Variants in TCF4 observed in about 807,000 individuals in gnomAD.
TCF4 encodes the protein transcription factor 4, also known as SL3-3 enhancer factor 2.
Under a neutral mutation model 82.1 loss-of-function variants are expected in TCF4, and 3 were observed. The observed-to-expected ratio is 0.04, with a 90% CI of 0.02 to 0.09. The LOEUF (loss-of-function observed/expected upper bound fraction) is 0.09. Among genes scored for constraint, TCF4 ranks in the 10% least tolerant of loss-of-function variants. The probability of loss-of-function intolerance (pLI) is 1.00; values close to 1 mark genes in which losing one functional copy is unlikely to be tolerated. For synonymous variants in TCF4, 276 were observed against 309.6 expected (o/e 0.89, Z 1.14); for missense variants, 518 against 852.7 (o/e 0.61, Z 4.89).
chr18:55,324,123 A>G (rs1042896907), intron 8 of TCF4, among the ~76,000 whole-genome samples: 3 of 152,230 alleles, frequency 2.0e-5, no homozygotes, highest in African/African-American at 7.2e-5. Flanking sequence ...AACCCTGACA[A>G]TTCAGCACAT....
At position 55,601,295 on chromosome 18, in the gene TCF4, C is replaced by G. The variant is rs2097696654; in HGVS notation, c.287-14159G>C. 2.6e-5 allele frequency among the ~76,000 whole-genome samples: 4 copies of G among 152,094 alleles called. No individual in the cohort carries two copies. The South Asian group carries it at 8.3e-4, about 32-fold the overall frequency. On this transcript the variant is annotated intron_variant, in intron 2 of 20. Transcript: ENST00000398339. The stretch of plus-strand genomic sequence containing the variant: ...TATAGTAACCAACAAGATGCCTGTC[C>G]TTCCAGAGGGCTCCTTGAACCCCTG...
chr18:55,279,880 G>A (rs1356183004), intron 8 of TCF4, among the ~76,000 whole-genome samples: 1 of 152,166 alleles, frequency 6.6e-6, no homozygotes, highest in Non-Finnish European at 1.5e-5. Flanking sequence ...AACCAGGTGT[G>A]TTATATTCCA....
chr18:55,617,344 A>G lies in TCF4; in HGVS notation c.286+13954T>C, dbSNP rs1454495957. 2.0e-5 allele frequency among the ~76,000 whole-genome samples: 3 copies of G among 152,154 alleles called. No homozygotes were observed. The East Asian group carries it at 5.8e-4, about 29-fold the overall frequency. ...CTGTTTTAATTACTGTTGCTTTGTA[A>G]TATATTTTGAAATCAGAAAGTGTGA... On this transcript the variant is annotated intron_variant, in intron 2 of 20. Transcript: ENST00000398339.
chr18:55,421,237 G>A (rs566848672), intron 5 of TCF4, among the ~76,000 whole-genome samples: 27 of 152,248 alleles, frequency 1.8e-4, no homozygotes, highest in African/African-American at 6.5e-4. Flanking sequence ...TGTACAAACT[G>A]TGACAAAATA....
At chr18:55,570,817 C>A (rs1453268809) in intron 3 of TCF4, among the ~76,000 whole-genome samples, 1 of 150,348 alleles carries the variant, frequency 6.7e-6, no homozygotes, top group Admixed American at 6.6e-5. Flanking sequence ...AAAGTCGAGA[C>A]CAGACAGTGA....
intron 6 of TCF4, among the ~76,000 whole-genome samples, chr18:55,360,183 G>T (rs1178879464): frequency 6.6e-6 from 1 of 152,120 alleles, no homozygotes; most frequent in Non-Finnish European, 1.5e-5. Context: ...AAAACAGCTG[G>T]CTAAAAAAAT....
chr18:55,567,712 C>CA lies in TCF4; in HGVS notation c.145+17567dup, dbSNP rs960791678. 4.6e-3 allele frequency among the ~76,000 whole-genome samples: 600 copies of CA among 130,744 alleles called. 2 individuals are homozygous for CA. The highest frequency in any genetic ancestry group is 7.9e-3 in the Middle Eastern group (2 of 252). 85.8% of individuals were successfully genotyped at this position (130,744 alleles called of 152,430 possible). On this transcript the variant is annotated intron_variant, in intron 3 of 19. Transcript: ENST00000354452. ...TGGGAGACAGAGCGAGACTCCATCTCAAAAAAAAAAAAGGACACAATCAAC... is the reference window on the plus strand; with the variant it reads ...TGGGAGACAGAGCGAGACTCCATCTCAAAAAAAAAAAAAGGACACAATCAAC...
intron 8 of TCF4, chr18:55,321,602 C>T: frequency 6.5e-7 from 1 of 1,534,916 alleles, no homozygotes; most frequent in Non-Finnish European, 8.7e-7. Context: ...ATGATCACCA[C>T]CTAGGATGCT....
chr18:55,510,781 A>T (rs1008872299), intron 3 of TCF4: 10 of 1,243,246 alleles, frequency 8.0e-6, no homozygotes, highest in Non-Finnish European at 1.0e-5. Context: ...ATGACCGTAG[A>T]TTTTAATTTA....
chr18:55,256,889 T>C (rs1220021746), intron 14 of TCF4, among the ~76,000 whole-genome samples: 1 of 152,140 alleles, frequency 6.6e-6, no homozygotes, highest in Non-Finnish European at 1.5e-5. Context: ...AGGATACCAC[T>C]GGGTTTCTAC....
chr18:55,406,126 CTTTTTTTTTTT>C lies in TCF4; in HGVS notation c.305-2619_305-2609del, dbSNP rs34522468. Among the ~76,000 whole-genome samples, 4 of 116,100 alleles carry C rather than the reference CTTTTTTTTTTT, an allele frequency of 3.4e-5. No homozygotes were observed. The South Asian group carries it at 8.9e-4, about 26-fold the overall frequency. The allele number at this position is 116,100 out of a possible 152,430, so 76.2% of individuals were successfully genotyped here. A position where few individuals can be genotyped will look rare whatever the true frequency, so the allele number is the denominator to read the frequency against. On this transcript the variant is annotated intron_variant, in intron 5 of 19. Transcript: ENST00000354452. ...AGCCAGCAGGAGGCTGGGAGGTGGACTTTTTTTTTTTTTTTTTTTTTTTAAGGATTATGCTC... is the reference window on the plus strand; with the variant it reads ...AGCCAGCAGGAGGCTGGGAGGTGGACTTTTTTTTTTTTAAGGATTATGCTC...
intron 3 of TCF4, among the ~76,000 whole-genome samples, chr18:55,541,491 TACA>T (rs908421094): frequency 6.6e-6 from 1 of 152,044 alleles, no homozygotes. Context: ...ATGTTGATGC[TACA>T]ACATTAGATT....
intron 3 of TCF4, among the ~76,000 whole-genome samples, chr18:55,558,838 A>C (rs1340969756): frequency 2.6e-5 from 4 of 152,104 alleles, no homozygotes; most frequent in Non-Finnish European, 4.4e-5. Flanking sequence ...TAAAAAAGTG[A>C]CTTTAATGCA....
intron 9 of TCF4, among the ~76,000 whole-genome samples, chr18:55,277,182 C>T (rs777197804): frequency 1.1e-4 from 17 of 152,170 alleles, no homozygotes; most frequent in Non-Finnish European, 2.2e-4. Flanking sequence ...GACCATGATG[C>T]AACTGTTTCT....
intron 3 of TCF4, among the ~76,000 whole-genome samples, chr18:55,494,588 C>T (rs2096612792): frequency 6.6e-6 from 1 of 152,004 alleles, no homozygotes; most frequent in Admixed American, 6.6e-5. Context: ...AGACATTTTT[C>T]AGGATAAAGG....
At chr18:55,487,272 T>C (rs1368202484) in intron 3 of TCF4, among the ~76,000 whole-genome samples, 1 of 152,190 alleles carries the variant, frequency 6.6e-6, no homozygotes, top group South Asian at 2.1e-4. Flanking sequence ...AATAAATGCA[T>C]AATGCCATTG....
In TCF4 at chr18:55,461,195, C is replaced by G. The variant is rs967595280; in HGVS notation, c.208-80G>C. ...AACAAACATAGCTCCACTACCAAAA[C>G]TTCTCCCCTCCAAAGAAATTGGAGT... On this transcript the variant is annotated intron_variant, in intron 4 of 19. Coordinates refer to ENST00000354452, the MANE Select transcript of TCF4 (RefSeq NM_001083962.2). The G allele has an allele frequency of 9.3e-6, 11 of 1,185,698 alleles. No individual in the cohort carries two copies. The Admixed American group carries it at 1.0e-4, about 11-fold the overall frequency. 73.4% of individuals were successfully genotyped at this position (1,185,698 alleles called of 1,614,324 possible). A position where few individuals can be genotyped will look rare whatever the true frequency, so the allele number is the denominator to read the frequency against.
intron 6 of TCF4, among the ~76,000 whole-genome samples, chr18:55,393,831 C>T (rs578102842): frequency 9.2e-5 from 14 of 152,302 alleles, no homozygotes; most frequent in Admixed American, 2.0e-4. Flanking sequence ...AATGAACTCA[C>T]TTGGGTCTCA....
intron 4 of TCF4, among the ~76,000 whole-genome samples, chr18:55,462,974 C>A (rs556300249): frequency 4.9e-4 from 75 of 152,250 alleles, no homozygotes; most frequent in African/African-American, 1.8e-3. Context: ...TGCTGAAATG[C>A]CCTCATTTTG....
Sources: gnomAD v4.1 joint callset for allele counts (sites outside exome capture counted in the v4.1 genomes callset) on GRCh38, gnomAD v4.1.1 for gene constraint, MANE v1.5 for transcripts, NCBI Gene and HGNC (gene_info 2026-07-23, HGNC 2026-07-21) for gene names.